The following DLG2 variants were observed in gnomAD, a reference collection of about 807,000 sequenced individuals.
The protein encoded by DLG2 is disks large homolog 2.
DLG2 carries 45 observed loss-of-function variants against 132.5 expected under a neutral mutation model. The ratio of observed to expected loss-of-function variants is 0.34; its 90% CI spans 0.27 to 0.44. The LOEUF is 0.44. Among genes scored for constraint, DLG2 ranks in the 20% least tolerant of loss-of-function variants. The pLI is 1.00. For missense variants in DLG2, 1,045 were observed against 1,196.9 expected (o/e 0.87, Z 1.87); for synonymous variants, 424 against 419.6 (o/e 1.01, Z -0.13).
intron 7 of DLG2, among the ~76,000 whole-genome samples, chr11:84,531,673 G>A (rs2099341587): frequency 6.6e-6 from 1 of 152,070 alleles, no homozygotes; most frequent in African/African-American, 2.4e-5. Flanking sequence ...CAGAACTGGT[G>A]GTTCCAAAAA....
chr11:83,825,152 C>CATAT (rs1555012392), intron 17 of DLG2, among the ~76,000 whole-genome samples: 95 of 80,296 alleles, frequency 1.2e-3, no homozygotes, highest in East Asian at 2.6e-3. Context: ...CACACACACA[C>CATAT]ATATATATAT....
chr11:85,423,256 T>C (rs1328879749), intron 3 of DLG2, among the ~76,000 whole-genome samples: 1 of 152,190 alleles, frequency 6.6e-6, no homozygotes, highest in African/African-American at 2.4e-5. Context: ...CTGAGGCTTG[T>C]CTGCACAGAG....
At chr11:83,929,881 T>A (rs868008103) in intron 15 of DLG2, among the ~76,000 whole-genome samples, 6 of 152,210 alleles carry the variant, frequency 3.9e-5, no homozygotes, top group Non-Finnish European at 7.3e-5. Flanking sequence ...AATCTAATAT[T>A]TTAGTTAAAA....
At chr11:83,851,133 C>T (rs12807254) in intron 16 of DLG2, among the ~76,000 whole-genome samples, 24,791 of 148,630 alleles carry the variant, frequency 0.17, 2,496 homozygotes, top group East Asian at 0.32. Flanking sequence ...GCTGAGACCG[C>T]GGCACTGTAC....
intron 3 of DLG2, among the ~76,000 whole-genome samples, chr11:85,330,792 TAAAAAAAAAAAAA>T (rs56995757): frequency 8.6e-6 from 1 of 116,494 alleles, no homozygotes; most frequent in Non-Finnish European, 1.8e-5. Context: ...AAAAAAAAAT[TAAAAAAAAAAAAA>T]AAAAAAAGAA....
At chr11:83,568,793 A>G (rs488600) in intron 19 of DLG2, among the ~76,000 whole-genome samples, 75,715 of 151,958 alleles carry the variant, frequency 0.5, 19,861 homozygotes, top group African/African-American at 0.65. Flanking sequence ...CCAGGTTGTC[A>G]TGAGTTCAGA....
intron 21 of DLG2, among the ~76,000 whole-genome samples, chr11:83,512,587 T>C (rs2095088725): frequency 6.6e-6 from 1 of 152,146 alleles, no homozygotes; most frequent in Non-Finnish European, 1.5e-5. Context: ...AATGTGCAGG[T>C]TTGTTACATA....
intron 6 of DLG2, among the ~76,000 whole-genome samples, chr11:84,620,109 G>A (rs1325089184): frequency 6.6e-6 from 1 of 151,454 alleles, no homozygotes; most frequent in African/African-American, 2.4e-5. Flanking sequence ...ATATAGTATT[G>A]ATTTGGCACA....
intron 7 of DLG2, among the ~76,000 whole-genome samples, chr11:84,331,925 G>A (rs1288396514): frequency 6.6e-6 from 1 of 152,172 alleles, no homozygotes; most frequent in African/African-American, 2.4e-5. Context: ...TCGGAGCCCA[G>A]GAACTGACAC....
chr11:84,133,088 A>C (rs1328493220), intron 9 of DLG2, among the ~76,000 whole-genome samples: 5 of 152,090 alleles, frequency 3.3e-5, no homozygotes, highest in Non-Finnish European at 7.4e-5. Context: ...AAGTTTAAAC[A>C]GTTAAGTCGA....
intron 3 of DLG2, among the ~76,000 whole-genome samples, chr11:85,375,538 C>T (rs1408148114): frequency 1.3e-5 from 2 of 152,034 alleles, no homozygotes; most frequent in African/African-American, 4.8e-5. Flanking sequence ...AAAACAACAA[C>T]AAAAAAACTG....
intron 14 of DLG2, among the ~76,000 whole-genome samples, chr11:83,956,443 C>A (rs1400394802): frequency 6.6e-6 from 1 of 152,218 alleles, no homozygotes; most frequent in East Asian, 1.9e-4. Context: ...CACCTGGATG[C>A]CACCACGCTC....
chr11:83,904,208 A>G lies in DLG2; in HGVS notation c.1496+26120T>C, dbSNP rs563014125. Among the ~76,000 whole-genome samples, 5 of 152,286 alleles carry G rather than the reference A, an allele frequency of 3.3e-5. No homozygotes were observed. In the East Asian group the frequency reaches 9.6e-4, roughly 29 times the overall value. On this transcript the variant is annotated intron_variant, in intron 15 of 27. Coordinates refer to ENST00000376104, the MANE Select transcript of DLG2 (RefSeq NM_001142699.3). Reference sequence around the variant, plus strand: ...TATTCGGGTCCTGGGCAGGATAGTGAGAGATTTTATCATGCTTCACAAAAT... The same window carrying G: ...TATTCGGGTCCTGGGCAGGATAGTGGGAGATTTTATCATGCTTCACAAAAT...
chr11:83,798,558 CAA>C (rs1401296351), intron 17 of DLG2, among the ~76,000 whole-genome samples: 4 of 151,970 alleles, frequency 2.6e-5, no homozygotes, highest in African/African-American at 9.7e-5. Context: ...GAAAAAAATA[CAA>C]AGGAGTAACC....
intron 7 of DLG2, among the ~76,000 whole-genome samples, chr11:84,522,308 T>C (rs1208695322): frequency 5.3e-5 from 8 of 152,154 alleles, no homozygotes; most frequent in Admixed American, 2.0e-4. Flanking sequence ...TAGAGTAACT[T>C]CAATTACTGT....
intron 8 of DLG2, among the ~76,000 whole-genome samples, chr11:84,184,962 T>C (rs2096245465): frequency 6.6e-6 from 1 of 152,212 alleles, no homozygotes; most frequent in African/African-American, 2.4e-5. Context: ...CATGCTGTTT[T>C]GGTTACTGTA....
At chr11:85,207,803 T>G (rs543318782) in intron 4 of DLG2, among the ~76,000 whole-genome samples, 18 of 152,116 alleles carry the variant, frequency 1.2e-4, no homozygotes, top group African/African-American at 4.1e-4. Context: ...GCAGACTGTT[T>G]CACCCACTCA....
chr11:85,490,929 C>T (rs533699248), intron 3 of DLG2, among the ~76,000 whole-genome samples: 2 of 151,990 alleles, frequency 1.3e-5, no homozygotes, highest in Non-Finnish European at 2.9e-5. Context: ...TCTATGAGGC[C>T]GGTACCATCC....
intron 8 of DLG2, among the ~76,000 whole-genome samples, chr11:84,193,291 A>G (rs761840875): frequency 1.3e-5 from 2 of 152,196 alleles, no homozygotes; most frequent in African/African-American, 2.4e-5. Context: ...TTAAGGGAAA[A>G]CAACCCAGCC....
Sources: allele counts gnomAD v4.1 joint callset (sites outside exome capture counted in the v4.1 genomes callset), GRCh38; gene constraint gnomAD v4.1.1; transcripts MANE v1.5; gene names NCBI Gene and HGNC (gene_info 2026-07-23, HGNC 2026-07-21).